DPP10: variants seen among roughly 807,000 people sequenced by gnomAD.
DPP10 encodes dipeptidyl peptidase like 10.
Under a neutral mutation model 120.9 loss-of-function variants are expected in DPP10, and 33 were observed. That is an observed-to-expected ratio of 0.27 (90% CI 0.21 to 0.37). DPP10 has a LOEUF of 0.37. Ranked by LOEUF, DPP10 falls within the 10% of genes least tolerant of loss-of-function variation. DPP10 has a pLI of 1.00. For synonymous variants in DPP10, 337 were observed against 326.1 expected, an observed-to-expected ratio of 1.03 and a Z score of -0.36; for missense variants, 816 against 942.8, an observed-to-expected ratio of 0.87 and a Z score of 1.76.
chr2:115,527,450 A>G (rs1007238407), intron 5 of DPP10, among the ~76,000 whole-genome samples: 5 of 152,172 alleles, frequency 3.3e-5, no homozygotes, highest in Admixed American at 1.3e-4. Context: ...TTTAGAAAAA[A>G]ATGTTTGGGA....
At chr2:115,395,033 A>ACGTACTAC (rs2067581217) in intron 3 of DPP10, among the ~76,000 whole-genome samples, 1 of 152,226 alleles carries the variant, frequency 6.6e-6, no homozygotes, top group South Asian at 2.1e-4. Context: ...AGCTGTTTTC[A>ACGTACTAC]CGTACTACAC....
At chr2:115,384,582 G>GAAGAA (rs2066741390) in intron 3 of DPP10, among the ~76,000 whole-genome samples, 1 of 131,608 alleles carries the variant, frequency 7.6e-6, no homozygotes, top group Non-Finnish European at 1.6e-5. Context: ...AAGAGGAAGA[G>GAAGAA]GAGGAAAAGG....
intron 5 of DPP10, among the ~76,000 whole-genome samples, chr2:115,681,483 C>T (rs899653760): frequency 1.3e-5 from 2 of 151,724 alleles, no homozygotes; most frequent in Non-Finnish European, 1.5e-5. Flanking sequence ...GGTAGTAAAA[C>T]TTTTATGGAA....
intron 1 of DPP10, among the ~76,000 whole-genome samples, chr2:114,508,955 T>G (rs1478184730): frequency 2.0e-5 from 3 of 152,044 alleles, no homozygotes; most frequent in Admixed American, 6.6e-5. Flanking sequence ...ATGGGCAATT[T>G]GAGTCGAATA....
At chr2:115,559,237 G>A (rs1222999979) in intron 5 of DPP10, among the ~76,000 whole-genome samples, 1 of 152,112 alleles carries the variant, frequency 6.6e-6, no homozygotes, top group Non-Finnish European at 1.5e-5. Flanking sequence ...GAGTGCTCCA[G>A]TGAAAATATG....
At chr2:115,797,308 G>GT (rs1684647881) in intron 19 of DPP10, among the ~76,000 whole-genome samples, 1 of 151,900 alleles carries the variant, frequency 6.6e-6, no homozygotes, top group Non-Finnish European at 1.5e-5. Flanking sequence ...GATTCCTAGG[G>GT]TTTTCGCAGA....
intron 1 of DPP10, chr2:115,131,217 A>G (rs2050339724): frequency 6.6e-6 from 1 of 152,232 alleles, no homozygotes; most frequent in Admixed American, 6.5e-5. Flanking sequence ...AAGCAAAATT[A>G]AAATAATAGC....
At chr2:114,976,937 T>C (rs7592080) in intron 1 of DPP10, among the ~76,000 whole-genome samples, 38,037 of 152,004 alleles carry the variant, frequency 0.25, 4,958 homozygotes, top group Admixed American at 0.31. Flanking sequence ...TCCATATCTA[T>C]CATCTTCTAA....
intron 4 of DPP10, among the ~76,000 whole-genome samples, chr2:115,506,403 C>T (rs1187421301): frequency 6.6e-6 from 1 of 152,048 alleles, no homozygotes; most frequent in Non-Finnish European, 1.5e-5. Flanking sequence ...AGTAAAAAAT[C>T]AACTGAGACC....
At chr2:115,568,683 A>G (rs7597207) in intron 5 of DPP10, among the ~76,000 whole-genome samples, 149,822 of 151,930 alleles carry the variant, frequency 0.99, 73,907 homozygotes, top group East Asian at 1. Context: ...TTTTTCTTTC[A>G]TGTTTCTGCT....
intron 3 of DPP10, among the ~76,000 whole-genome samples, chr2:115,345,986 C>T (rs2063693721): frequency 6.6e-6 from 1 of 152,096 alleles, no homozygotes; most frequent in Non-Finnish European, 1.5e-5. Context: ...ATAAAGACAA[C>T]TCTTTAAATT....
At chr2:115,234,200 C>T (rs940200558) in intron 1 of DPP10, among the ~76,000 whole-genome samples, 22 of 152,094 alleles carry the variant, frequency 1.4e-4, no homozygotes, top group African/African-American at 5.3e-4. Context: ...GCTCTCTCTC[C>T]CTCTCTCTCC....
intron 5 of DPP10, among the ~76,000 whole-genome samples, chr2:115,542,193 C>G (rs557550328): frequency 6.6e-6 from 1 of 151,934 alleles, no homozygotes; most frequent in African/African-American, 2.4e-5. Context: ...CAGAACTGCT[C>G]TGTCACCACA....
At chr2:114,473,573 G>C (rs1427590231) in intron 1 of DPP10, among the ~76,000 whole-genome samples, 1 of 152,180 alleles carries the variant, frequency 6.6e-6, no homozygotes, top group Non-Finnish European at 1.5e-5. Flanking sequence ...GTTAAAGTGA[G>C]TTCATCACAG....
At chr2:114,826,094 A>C (rs778477769) in intron 1 of DPP10, among the ~76,000 whole-genome samples, 39 of 152,240 alleles carry the variant, frequency 2.6e-4, no homozygotes, top group Non-Finnish European at 3.2e-4. Context: ...TGAAAAATAG[A>C]AAAACAACCT....
chr2:115,341,757 C>A (rs1017435832), intron 2 of DPP10, among the ~76,000 whole-genome samples: 2 of 146,166 alleles, frequency 1.4e-5, no homozygotes, highest in African/African-American at 5.1e-5. Flanking sequence ...AAGTTTCCTC[C>A]ATATCTTTTC....
intron 1 of DPP10, among the ~76,000 whole-genome samples, chr2:114,602,315 ATG>A (rs3029135): frequency 0.12 from 17,916 of 148,892 alleles, 1,520 homozygotes; most frequent in African/African-American, 0.24. Flanking sequence ...ATACTTGTTA[ATG>A]TGTGTGTGTG....
At chr2:114,922,651 T>G (rs915824265) in intron 1 of DPP10, among the ~76,000 whole-genome samples, 1 of 152,224 alleles carries the variant, frequency 6.6e-6, no homozygotes, top group Admixed American at 6.5e-5. Context: ...GTATCTGATC[T>G]TTTGTGACTG....
intron 15 of DPP10, among the ~76,000 whole-genome samples, chr2:115,779,947 G>C (rs1454979578): frequency 6.6e-6 from 1 of 151,884 alleles, no homozygotes; most frequent in African/African-American, 2.4e-5. Flanking sequence ...ACTGTTTCTT[G>C]TAGCTGCCTT....
Sources: gnomAD v4.1 joint callset for allele counts (sites outside exome capture counted in the v4.1 genomes callset) on GRCh38, gnomAD v4.1.1 for gene constraint, MANE v1.5 for transcripts, NCBI Gene and HGNC (gene_info 2026-07-23, HGNC 2026-07-21) for gene names.